The following GRM5 variants were observed in gnomAD, a reference collection of about 807,000 sequenced individuals.
GRM5 encodes metabotropic glutamate receptor 5.
GRM5 carries 19 observed loss-of-function variants against 83.1 expected under a neutral mutation model. The observed-to-expected ratio is 0.23, with a 90% confidence interval of 0.16 to 0.34. The LOEUF (loss-of-function observed/expected upper bound fraction) is 0.34, where lower values mean the gene tolerates loss of function less well. GRM5 is among the 10% of genes least tolerant of loss of function. The pLI is 1.00. For synonymous variants in GRM5, 675 were observed against 633.6 expected (o/e 1.07, Z -0.98); for missense variants, 1,160 against 1,588.3 (o/e 0.73, Z 4.58).
At chr11:88,598,807 G>C (rs542104881) in intron 5 of GRM5, among the ~76,000 whole-genome samples, 9 of 152,286 alleles carry the variant, frequency 5.9e-5, no homozygotes, top group African/African-American at 1.9e-4. Flanking sequence ...TTTCTTTGCT[G>C]CTGATAATTT....
At chr11:88,616,810 C>T (rs923502440) in intron 4 of GRM5, among the ~76,000 whole-genome samples, 1 of 152,146 alleles carries the variant, frequency 6.6e-6, no homozygotes, top group East Asian at 1.9e-4. Flanking sequence ...GTTTACATAA[C>T]TATCTCTAAC....
intron 4 of GRM5, among the ~76,000 whole-genome samples, chr11:88,645,817 G>A (rs147370479): frequency 2.0e-5 from 3 of 152,182 alleles, no homozygotes; most frequent in Middle Eastern, 6.8e-3. Flanking sequence ...CAATGAAAAG[G>A]AGGGAACAGA....
At chr11:88,961,977 T>C (rs1367732634) in intron 2 of GRM5, among the ~76,000 whole-genome samples, 2 of 152,232 alleles carry the variant, frequency 1.3e-5, no homozygotes, top group Non-Finnish European at 2.9e-5. Flanking sequence ...TCACATTATA[T>C]AATGTCTTAT....
chr11:88,990,088 G>A (rs1418864316), intron 2 of GRM5, among the ~76,000 whole-genome samples: 1 of 149,598 alleles, frequency 6.7e-6, no homozygotes, highest in Non-Finnish European at 1.5e-5. Flanking sequence ...TTTTTTGAAA[G>A]GATCAACAAA....
At chr11:89,020,677 T>C (rs7126679) in intron 2 of GRM5, among the ~76,000 whole-genome samples, 98,323 of 152,094 alleles carry the variant, frequency 0.65, 32,827 homozygotes, top group African/African-American at 0.82. Context: ...CATGCCTATC[T>C]GGTTTTTGAT....
intron 2 of GRM5, among the ~76,000 whole-genome samples, chr11:89,006,330 T>G (rs1026281750): frequency 1.3e-5 from 2 of 152,334 alleles, no homozygotes; most frequent in Non-Finnish European, 2.9e-5. Flanking sequence ...ATGCATTTAC[T>G]TCAGAAAAGT....
chr11:88,953,370 T>G (rs1165160033), intron 2 of GRM5, among the ~76,000 whole-genome samples: 1 of 152,226 alleles, frequency 6.6e-6, no homozygotes, highest in East Asian at 1.9e-4. Flanking sequence ...GCTCTCAGAA[T>G]AAGACCTGGA....
At chr11:88,679,166 T>C (rs981710825) in intron 3 of GRM5, among the ~76,000 whole-genome samples, 2 of 152,152 alleles carry the variant, frequency 1.3e-5, no homozygotes, top group African/African-American at 4.8e-5. Context: ...CAAATTAAGT[T>C]TCAGTTGCAC....
At chr11:88,888,530 G>T (rs1245350557) in intron 2 of GRM5, among the ~76,000 whole-genome samples, 2 of 152,148 alleles carry the variant, frequency 1.3e-5, no homozygotes, top group African/African-American at 4.8e-5. Context: ...CAACCTGGGA[G>T]AAGTTAATTT....
At chr11:88,875,084 T>TTG (rs1296270704) in intron 2 of GRM5, among the ~76,000 whole-genome samples, 1 of 150,656 alleles carries the variant, frequency 6.6e-6, no homozygotes, top group Non-Finnish European at 1.5e-5. Flanking sequence ...AATTGACTGT[T>TTG]TTTTTTTTTT....
chr11:88,782,434 A>G (rs889022012), intron 3 of GRM5, among the ~76,000 whole-genome samples: 1 of 152,126 alleles, frequency 6.6e-6, no homozygotes, highest in Non-Finnish European at 1.5e-5. Flanking sequence ...AGATCCCATA[A>G]GACTTATTCA....
chr11:88,942,797 T>C (rs1039128161), intron 2 of GRM5, among the ~76,000 whole-genome samples: 1 of 152,032 alleles, frequency 6.6e-6, no homozygotes, highest in African/African-American at 2.4e-5. Context: ...GTTGAATTGA[T>C]TTTAACAATA....
chr11:88,962,918 G>A (rs1247254216), intron 2 of GRM5, among the ~76,000 whole-genome samples: 3 of 152,082 alleles, frequency 2.0e-5, no homozygotes, highest in Admixed American at 1.3e-4. Context: ...GTGAAACCTC[G>A]TCTCTACTAA....
chr11:89,018,399 C>T (rs1350161319), intron 2 of GRM5, among the ~76,000 whole-genome samples: 1 of 152,186 alleles, frequency 6.6e-6, no homozygotes, highest in Non-Finnish European at 1.5e-5. Flanking sequence ...TTTTCAACAT[C>T]ATATCAGTAC....
chr11:88,542,132 A>G (rs1296654821), intron 8 of GRM5, among the ~76,000 whole-genome samples: 2 of 152,186 alleles, frequency 1.3e-5, no homozygotes, highest in Non-Finnish European at 2.9e-5. Flanking sequence ...TAGTACCTTT[A>G]TAGAAGGGTG....
intron 4 of GRM5, among the ~76,000 whole-genome samples, chr11:88,638,363 A>C (rs1339980084): frequency 6.6e-6 from 1 of 152,124 alleles, no homozygotes; most frequent in Non-Finnish European, 1.5e-5. Flanking sequence ...TTTGTTTAAT[A>C]TATTTACATC....
intron 3 of GRM5, among the ~76,000 whole-genome samples, chr11:88,812,476 A>G (rs1255367877): frequency 6.6e-6 from 1 of 152,192 alleles, no homozygotes; most frequent in Non-Finnish European, 1.5e-5. Context: ...TGCCCAAGAA[A>G]TGGAAGAGAT....
chr11:88,596,481 CTTAT>C (rs1488229466), intron 6 of GRM5, among the ~76,000 whole-genome samples: 1 of 152,124 alleles, frequency 6.6e-6, no homozygotes, highest in Non-Finnish European at 1.5e-5. Flanking sequence ...CTGGGTTCAA[CTTAT>C]TTCAACTTTC....
At chr11:88,993,935 C>G (rs1288638677) in intron 2 of GRM5, among the ~76,000 whole-genome samples, 1 of 152,104 alleles carries the variant, frequency 6.6e-6, no homozygotes, top group Admixed American at 6.5e-5. Flanking sequence ...CCAGGCTGGT[C>G]TCAAGCTCCT....
Sources: allele counts gnomAD v4.1 joint callset (sites outside exome capture counted in the v4.1 genomes callset), GRCh38; gene constraint gnomAD v4.1.1; transcripts MANE v1.5; gene names NCBI Gene and HGNC (gene_info 2026-07-23, HGNC 2026-07-21).